Variants in CAMSAP2 observed in about 807,000 individuals in gnomAD.
The protein encoded by CAMSAP2 is calmodulin regulated spectrin associated protein family member 2.
A neutral mutation model predicts 146.1 loss-of-function variants in CAMSAP2; 26 were observed. The ratio of observed to expected loss-of-function variants is 0.18; its 90% confidence interval spans 0.13 to 0.25. CAMSAP2 has a LOEUF of 0.25. CAMSAP2 is among the 10% of genes least tolerant of loss of function. The probability of loss-of-function intolerance (pLI) is 1.00; values close to 1 mark genes in which losing one functional copy is unlikely to be tolerated. For missense variants in CAMSAP2, 1,381 were observed against 1,759.3 expected (o/e 0.78, Z 3.85); for synonymous variants, 499 against 596.6 (o/e 0.84, Z 2.38).
At chr1:200,810,935 G>A (rs1666313657) in intron 3 of CAMSAP2, among the ~76,000 whole-genome samples, 1 of 151,858 alleles carries the variant, frequency 6.6e-6, no homozygotes, top group African/African-American at 2.4e-5. Flanking sequence ...TCCATCCTAA[G>A]AAACAAAACT....
At chr1:200,753,317 AGAT>A (rs1298480123) in intron 1 of CAMSAP2, among the ~76,000 whole-genome samples, 2 of 146,028 alleles carry the variant, frequency 1.4e-5, no homozygotes, top group East Asian at 4.1e-4. Flanking sequence ...AAAAAAAAAA[AGAT>A]AGAGCACCCT....
chr1:200,794,120 GCTTA>G (rs1161131883), intron 2 of CAMSAP2, among the ~76,000 whole-genome samples: 1 of 152,114 alleles, frequency 6.6e-6, no homozygotes, highest in Non-Finnish European at 1.5e-5. Context: ...TATAAGATGT[GCTTA>G]CTGATTTCTG....
chr1:200,807,801 CATG>C (rs1464528423), intron 3 of CAMSAP2, among the ~76,000 whole-genome samples: 6 of 145,088 alleles, frequency 4.1e-5, no homozygotes, highest in African/African-American at 1.5e-4. Context: ...AGTGAAGTGG[CATG>C]ATCTCGGCTC....
chr1:200,853,664 A>G lies in CAMSAP2; in HGVS notation c.3823+169A>G, dbSNP rs1667680785. Reference sequence around the variant, plus strand: ...GCAAATGAAGTTTTTAATAAATTAAATGTATTATGTGTGCATGCATATATT... The same window carrying G: ...GCAAATGAAGTTTTTAATAAATTAAGTGTATTATGTGTGCATGCATATATT... On this transcript the variant is annotated intron_variant, in intron 13 of 16. Coordinates refer to ENST00000358823, the MANE Select transcript of CAMSAP2 (RefSeq NM_203459.4). This position sits in a 1 kb window ranked among gnomAD's most constrained non-coding sequence, Gnocchi z 5.1. Among the ~76,000 whole-genome samples, 1 of 152,238 alleles carries G rather than the reference A, an allele frequency of 6.6e-6. No homozygotes were observed. Among genetic ancestry groups the G allele is most frequent in the Admixed American group, 6.5e-5 (1 of 15,282 alleles).
intron 1 of CAMSAP2, among the ~76,000 whole-genome samples, chr1:200,749,144 A>G (rs777698993): frequency 6.6e-6 from 1 of 152,260 alleles, no homozygotes; most frequent in Non-Finnish European, 1.5e-5. Context: ...ATGCTGCAGT[A>G]TATACATTTC....
At chr1:200,818,592 C>G (rs370172513) in intron 4 of CAMSAP2, among the ~76,000 whole-genome samples, 2 of 151,924 alleles carry the variant, frequency 1.3e-5, no homozygotes, top group Non-Finnish European at 2.9e-5. Context: ...GTTAATTTAA[C>G]ATAATCTTAC....
In CAMSAP2 at chr1:200,764,939, A is replaced by G. The variant is rs141166020; in HGVS notation, c.399+3841A>G. 3.4e-3 allele frequency among the ~76,000 whole-genome samples: 517 copies of G among 152,106 alleles called. 5 individuals carry two copies. The highest frequency in any genetic ancestry group is 0.012 in the African/African-American group (502 of 41,504). On this transcript the variant is annotated intron_variant, in intron 2 of 16. Transcript: ENST00000358823. Reference sequence around the variant, plus strand: ...GCCAACATAGTGAAACCCCATCTCTACTAAAAATACAGAAATTAGCTGGGC... The same window carrying G: ...GCCAACATAGTGAAACCCCATCTCTGCTAAAAATACAGAAATTAGCTGGGC...
chr1:200,816,735 TAC>T lies in CAMSAP2; in HGVS notation c.645+1100_645+1101del, dbSNP rs1423970685. 2.8e-4 allele frequency among the ~76,000 whole-genome samples: 30 copies of T among 108,318 alleles called. 7 individuals carry two copies. The highest frequency in any genetic ancestry group is 3.7e-4 in the African/African-American group (11 of 29,726). 71.1% of individuals were successfully genotyped at this position (108,318 alleles called of 152,430 possible). ...ATATACACACGCACATATATGTGTG[TAC>T]ACACACACGCGTGTATATATGTGTG... On this transcript the variant is annotated intron_variant, in intron 4 of 16. Transcript: ENST00000358823.
At chr1:200,778,756 T>G (rs1025507093) in intron 2 of CAMSAP2, among the ~76,000 whole-genome samples, 1 of 148,838 alleles carries the variant, frequency 6.7e-6, no homozygotes, top group South Asian at 2.2e-4. Context: ...TACAGTAGAT[T>G]TAGGTTGTTC....
At chr1:200,798,644 T>C (rs1363639964) in intron 2 of CAMSAP2, among the ~76,000 whole-genome samples, 1 of 142,846 alleles carries the variant, frequency 7.0e-6, no homozygotes, top group Non-Finnish European at 1.5e-5. Context: ...CTTTTCCTAA[T>C]TGAATACCTT....
intron 2 of CAMSAP2, among the ~76,000 whole-genome samples, chr1:200,776,514 T>C (rs912687518): frequency 6.6e-6 from 1 of 151,978 alleles, no homozygotes; most frequent in African/African-American, 2.4e-5. Context: ...AAGAAGAACT[T>C]GAGGGTAAGA....
At chr1:200,750,445 T>C (rs1225938447) in intron 1 of CAMSAP2, among the ~76,000 whole-genome samples, 1 of 152,156 alleles carries the variant, frequency 6.6e-6, no homozygotes, top group Non-Finnish European at 1.5e-5. Context: ...TTCAACATAA[T>C]TTCAAATGTG....
chr1:200,814,242 T>G (rs1437088214), intron 3 of CAMSAP2, among the ~76,000 whole-genome samples: 4 of 151,642 alleles, frequency 2.6e-5, no homozygotes, highest in Non-Finnish European at 5.9e-5. Context: ...CCCGAATTGG[T>G]AAAGAGACCA....
intron 2 of CAMSAP2, among the ~76,000 whole-genome samples, chr1:200,785,603 C>T (rs1039583993): frequency 4.6e-5 from 7 of 152,042 alleles, no homozygotes; most frequent in East Asian, 1.9e-4. Flanking sequence ...TTTGCCAGGC[C>T]GGTCTCGAAC....
chr1:200,754,719 AC>A (rs200267244), intron 1 of CAMSAP2, among the ~76,000 whole-genome samples: 3,687 of 151,202 alleles, frequency 0.024, 152 homozygotes, highest in African/African-American at 0.083. Context: ...AGTAGCTGGG[AC>A]TACAGGCACC....
intron 2 of CAMSAP2, among the ~76,000 whole-genome samples, chr1:200,777,537 C>G (rs531343971): frequency 1.3e-5 from 2 of 152,150 alleles, no homozygotes; most frequent in African/African-American, 4.8e-5. Context: ...CTCAACAACA[C>G]TTTTATCTCT....
chr1:200,747,814 T>A (rs12029036), intron 1 of CAMSAP2, among the ~76,000 whole-genome samples: 12,762 of 151,842 alleles, frequency 0.084, 1,108 homozygotes, highest in East Asian at 0.35. Flanking sequence ...ATCGAGACCA[T>A]CCCGGTACTA....
intron 6 of CAMSAP2, among the ~76,000 whole-genome samples, chr1:200,841,407 C>G (rs6664990): frequency 6.6e-6 from 1 of 151,960 alleles, no homozygotes; most frequent in Non-Finnish European, 1.5e-5. Context: ...CCACCACACC[C>G]GGCTAGTTTT....
At chr1:200,847,181 T>C in intron 8 of CAMSAP2, 29 bp from the exon 9 acceptor site, 2 of 1,519,776 alleles carry the variant, frequency 1.3e-6, no homozygotes, top group East Asian at 4.5e-5. Context: ...AGCTAAAATA[T>C]AACATTTTAA....
Sources: allele counts gnomAD v4.1 joint callset (sites outside exome capture counted in the v4.1 genomes callset), GRCh38; gene constraint gnomAD v4.1.1; non-coding constraint Gnocchi (gnomAD v3.1); transcripts MANE v1.5; gene names NCBI Gene and HGNC (gene_info 2026-07-23, HGNC 2026-07-21).